ZFAND3: variants seen among roughly 807,000 people sequenced by gnomAD.
ZFAND3 encodes AN1-type zinc finger protein 3.
A neutral mutation model predicts 29.6 loss-of-function variants in ZFAND3; 10 were observed. The ratio of observed to expected loss-of-function variants is 0.34; its 90% CI spans 0.21 to 0.57. The LOEUF (loss-of-function observed/expected upper bound fraction) is 0.57. Ranked by LOEUF, ZFAND3 falls within the 20% of genes least tolerant of loss-of-function variation. ZFAND3 has a pLI of 0.86. For synonymous variants in ZFAND3, 128 were observed against 112.6 expected (o/e 1.14, Z -0.87); for missense variants, 230 against 304.5 (o/e 0.76, Z 1.82).
At chr6:37,824,076 G>A (rs1763716332) in intron 1 of ZFAND3, among the ~76,000 whole-genome samples, 3 of 152,122 alleles carry the variant, frequency 2.0e-5, no homozygotes. Flanking sequence ...GCGCCTGGCC[G>A]GTATATATTA....
At chr6:37,824,616 G>A (rs1384757174) in intron 1 of ZFAND3, among the ~76,000 whole-genome samples, 1 of 152,124 alleles carries the variant, frequency 6.6e-6, no homozygotes, top group Non-Finnish European at 1.5e-5. Context: ...AGCTTAAAGC[G>A]TACTAGACAT....
intron 1 of ZFAND3, among the ~76,000 whole-genome samples, chr6:37,891,975 C>T (rs9462371): frequency 0.022 from 3,395 of 152,212 alleles, 84 homozygotes; most frequent in African/African-American, 0.063. Context: ...GCAATCCACT[C>T]GCCTCGCCCT....
At chr6:37,893,583 T>G (rs757249179) in intron 1 of ZFAND3, among the ~76,000 whole-genome samples, 9 of 152,228 alleles carry the variant, frequency 5.9e-5, no homozygotes, top group Non-Finnish European at 1.0e-4. Flanking sequence ...AGGTGGAGTC[T>G]TGCTCTGTTG....
intron 2 of ZFAND3, among the ~76,000 whole-genome samples, chr6:38,005,348 A>G (rs2127441406): frequency 6.6e-6 from 1 of 152,342 alleles, no homozygotes; most frequent in South Asian, 2.1e-4. Flanking sequence ...AGACATTGAC[A>G]GATGGTTTCT....
intron 3 of ZFAND3, among the ~76,000 whole-genome samples, chr6:38,079,632 A>G (rs1464204566): frequency 6.6e-6 from 1 of 152,136 alleles, no homozygotes; most frequent in African/African-American, 2.4e-5. Context: ...GAATTATTTT[A>G]TGTGCTTTAA....
At chr6:37,865,499 T>A (rs2127385821) in intron 1 of ZFAND3, among the ~76,000 whole-genome samples, 1 of 152,324 alleles carries the variant, frequency 6.6e-6, no homozygotes, top group South Asian at 2.1e-4. Flanking sequence ...TCTCTTGAAA[T>A]TATGCCTTTT....
At chr6:37,910,657 A>T (rs895538678) in intron 1 of ZFAND3, among the ~76,000 whole-genome samples, 1 of 152,198 alleles carries the variant, frequency 6.6e-6, no homozygotes, top group Non-Finnish European at 1.5e-5. Context: ...GTTACTAAGT[A>T]TAATCACCAT....
intron 2 of ZFAND3, among the ~76,000 whole-genome samples, chr6:37,963,114 C>G (rs1303588601): frequency 6.6e-6 from 1 of 152,166 alleles, no homozygotes; most frequent in Non-Finnish European, 1.5e-5. Context: ...AACTGTAACA[C>G]TCGCTGCGAG....
chr6:38,102,759 TTTTG>T (rs1156763552), intron 4 of ZFAND3, among the ~76,000 whole-genome samples: 1 of 152,126 alleles, frequency 6.6e-6, no homozygotes, highest in Non-Finnish European at 1.5e-5. Flanking sequence ...AGTTTAACTT[TTTTG>T]TTTGTTTTTT....
chr6:37,866,374 A>G (rs1282118835), intron 1 of ZFAND3, among the ~76,000 whole-genome samples: 1 of 152,150 alleles, frequency 6.6e-6, no homozygotes, highest in Non-Finnish European at 1.5e-5. Context: ...ATGTTGTTAT[A>G]TGATGTGGTA....
At chr6:37,825,824 T>TG (rs1763748674) in intron 1 of ZFAND3, among the ~76,000 whole-genome samples, 1 of 152,170 alleles carries the variant, frequency 6.6e-6, no homozygotes, top group Non-Finnish European at 1.5e-5. Context: ...ATAAAGTCCT[T>TG]AAAAAGAAAC....
intron 1 of ZFAND3, among the ~76,000 whole-genome samples, chr6:37,831,023 T>A (rs985143932): frequency 1.3e-5 from 2 of 152,186 alleles, no homozygotes; most frequent in Non-Finnish European, 2.9e-5. Context: ...ACTGATCTCT[T>A]ATCTCCAGAA....
chr6:38,098,687 G>C (rs1453573876), intron 4 of ZFAND3, among the ~76,000 whole-genome samples: 3 of 151,588 alleles, frequency 2.0e-5, no homozygotes, highest in African/African-American at 7.3e-5. Context: ...ATTTTTAGTA[G>C]AGACAGGCGT....
At chr6:37,900,638 A>G (rs7765369) in intron 1 of ZFAND3, among the ~76,000 whole-genome samples, 3 of 152,202 alleles carry the variant, frequency 2.0e-5, no homozygotes, top group Admixed American at 6.5e-5. Flanking sequence ...TGTAGTAACA[A>G]GGTTATTAAC....
chr6:38,014,280 G>A (rs758002809), intron 2 of ZFAND3, among the ~76,000 whole-genome samples: 42 of 151,672 alleles, frequency 2.8e-4, no homozygotes, highest in Non-Finnish European at 4.0e-4. Context: ...ACTAATTGGT[G>A]AAATAGTAGA....
intron 1 of ZFAND3, among the ~76,000 whole-genome samples, chr6:37,900,067 ATAT>A (rs1192798440): frequency 6.6e-5 from 10 of 152,160 alleles, no homozygotes; most frequent in Non-Finnish European, 1.5e-5. Flanking sequence ...GGGTAGTGTC[ATAT>A]TATACTCAAT....
intron 2 of ZFAND3, among the ~76,000 whole-genome samples, chr6:38,026,283 C>A (rs1356414404): frequency 6.6e-6 from 1 of 152,048 alleles, no homozygotes; most frequent in African/African-American, 2.4e-5. Context: ...CAGAACTACT[C>A]CTTCTTTTGC....
intron 2 of ZFAND3, among the ~76,000 whole-genome samples, chr6:37,946,812 G>A (rs779710994): frequency 3.5e-4 from 54 of 152,248 alleles, no homozygotes; most frequent in Non-Finnish European, 7.4e-4. Context: ...TTCTGCTTAC[G>A]TGACGTACCT....
intron 1 of ZFAND3, among the ~76,000 whole-genome samples, chr6:37,913,708 C>CTATTTTTTTTTTTTTTT (rs1765563597): frequency 8.8e-6 from 1 of 113,046 alleles, no homozygotes; most frequent in Non-Finnish European, 1.8e-5. Flanking sequence ...CAGCTATATT[C>CTATTTTTTTTTTTTTTT]TTTTTTTTTT....
Sources: allele counts gnomAD v4.1 joint callset (sites outside exome capture counted in the v4.1 genomes callset), GRCh38; gene constraint gnomAD v4.1.1; transcripts MANE v1.5; gene names NCBI Gene and HGNC (gene_info 2026-07-23, HGNC 2026-07-21).